The following LRRC4C variants were observed in gnomAD, a reference collection of about 807,000 sequenced individuals.
The protein encoded by LRRC4C is leucine-rich repeat-containing protein 4C.
A neutral mutation model predicts 33.6 loss-of-function variants in LRRC4C; 5 were observed. The observed-to-expected ratio is 0.15, with a 90% CI of 0.08 to 0.31. The LOEUF is 0.31. LRRC4C is among the 10% of genes least tolerant of loss of function. The pLI is 1.00. For synonymous variants in LRRC4C, 329 were observed against 302.0 expected (o/e 1.09, Z -0.93); for missense variants, 560 against 796.7 (o/e 0.70, Z 3.58).
intron 3 of LRRC4C, among the ~76,000 whole-genome samples, chr11:40,439,087 C>T (rs964461148): frequency 6.9e-6 from 1 of 145,554 alleles, no homozygotes; most frequent in Non-Finnish European, 1.5e-5. Flanking sequence ...CCTGCCACCA[C>T]CCCCAGCTAA....
chr11:40,152,209 C>A (rs547269003), intron 5 of LRRC4C, among the ~76,000 whole-genome samples: 2 of 152,252 alleles, frequency 1.3e-5, no homozygotes, highest in East Asian at 3.9e-4. Flanking sequence ...GGTCTGTTTG[C>A]GGGAGAAGTT....
At chr11:40,971,473 C>T (rs533428583) in intron 1 of LRRC4C, among the ~76,000 whole-genome samples, 2 of 152,290 alleles carry the variant, frequency 1.3e-5, no homozygotes, top group African/African-American at 2.4e-5. Context: ...ACTTGGGAGC[C>T]CCCATCTAGA....
intron 3 of LRRC4C, among the ~76,000 whole-genome samples, chr11:40,320,313 G>T (rs1031998821): frequency 6.6e-6 from 1 of 152,116 alleles, no homozygotes; most frequent in Admixed American, 6.6e-5. Context: ...AGACCATCCT[G>T]TCTAACACGG....
chr11:41,295,281 G>C (rs1388254381), intron 1 of LRRC4C, among the ~76,000 whole-genome samples: 1 of 152,210 alleles, frequency 6.6e-6, no homozygotes, highest in East Asian at 1.9e-4. Flanking sequence ...AAAAATAAAT[G>C]GACCATCCCT....
At chr11:40,865,251 A>G (rs891869892) in intron 2 of LRRC4C, among the ~76,000 whole-genome samples, 1 of 152,170 alleles carries the variant, frequency 6.6e-6, no homozygotes, top group Non-Finnish European at 1.5e-5. Context: ...AGAATAGAGT[A>G]TAACGGTTAT....
intron 2 of LRRC4C, among the ~76,000 whole-genome samples, chr11:40,673,471 A>C (rs1345395991): frequency 5.9e-5 from 9 of 152,174 alleles, no homozygotes; most frequent in Admixed American, 5.9e-4. Context: ...TATAAACCCC[A>C]GAGAAAAGTA....
At chr11:40,714,164 G>C (rs983724110) in intron 2 of LRRC4C, among the ~76,000 whole-genome samples, 1 of 152,166 alleles carries the variant, frequency 6.6e-6, no homozygotes, top group East Asian at 1.9e-4. Flanking sequence ...TGAAGCTACA[G>C]TCAAGCATCA....
intron 2 of LRRC4C, among the ~76,000 whole-genome samples, chr11:40,737,507 C>A (rs1359833267): frequency 6.6e-6 from 1 of 152,032 alleles, no homozygotes; most frequent in Non-Finnish European, 1.5e-5. Context: ...AGCTGATAAG[C>A]AACTTCAGCA....
At chr11:40,220,407 G>A (rs1864317772) in intron 5 of LRRC4C, among the ~76,000 whole-genome samples, 1 of 152,016 alleles carries the variant, frequency 6.6e-6, no homozygotes, top group South Asian at 2.1e-4. Flanking sequence ...CAATCTATTT[G>A]GTTTTATAAG....
intron 1 of LRRC4C, among the ~76,000 whole-genome samples, chr11:41,276,688 A>G (rs1392142053): frequency 6.6e-6 from 1 of 152,192 alleles, no homozygotes; most frequent in Non-Finnish European, 1.5e-5. Context: ...GATTTTGCAG[A>G]TATGATTAAA....
At chr11:41,043,174 C>T (rs1235014570) in intron 1 of LRRC4C, among the ~76,000 whole-genome samples, 4 of 142,062 alleles carry the variant, frequency 2.8e-5, no homozygotes, top group Non-Finnish European at 6.0e-5. Flanking sequence ...GCAGTGCCTA[C>T]AATGGACATG....
chr11:40,288,355 T>C (rs1248571726), intron 4 of LRRC4C, among the ~76,000 whole-genome samples: 1 of 152,238 alleles, frequency 6.6e-6, no homozygotes, highest in Non-Finnish European at 1.5e-5. Context: ...CAAATGCTTT[T>C]GCAATATTCA....
At chr11:40,162,880 T>A (rs542125332) in intron 5 of LRRC4C, among the ~76,000 whole-genome samples, 1 of 152,314 alleles carries the variant, frequency 6.6e-6, no homozygotes, top group Non-Finnish European at 1.5e-5. Context: ...TAGTGATCAT[T>A]TTCATGAGAT....
At chr11:41,094,080 G>A (rs1006029324) in intron 1 of LRRC4C, among the ~76,000 whole-genome samples, 2 of 151,368 alleles carry the variant, frequency 1.3e-5, no homozygotes, top group African/African-American at 4.9e-5. Flanking sequence ...TCACACCACT[G>A]CACTCCAGCC....
chr11:40,490,297 C>A (rs1218527985), intron 3 of LRRC4C, among the ~76,000 whole-genome samples: 1 of 152,108 alleles, frequency 6.6e-6, no homozygotes, highest in East Asian at 1.9e-4. Flanking sequence ...ATAAAGCACT[C>A]ATCTGCCTTT....
At chr11:41,220,011 A>T (rs1279622884) in intron 1 of LRRC4C, among the ~76,000 whole-genome samples, 1 of 152,190 alleles carries the variant, frequency 6.6e-6, no homozygotes, top group Non-Finnish European at 1.5e-5. Context: ...GGAATTTTTT[A>T]AAATTAAAAG....
chr11:41,199,692 T>C (rs913225489), intron 1 of LRRC4C, among the ~76,000 whole-genome samples: 1 of 152,052 alleles, frequency 6.6e-6, no homozygotes, highest in East Asian at 1.9e-4. Context: ...ACCTCCTCCA[T>C]TGCTTATGAA....
intron 3 of LRRC4C, among the ~76,000 whole-genome samples, chr11:40,570,047 A>G (rs1565514504): frequency 6.6e-6 from 1 of 151,930 alleles, no homozygotes; most frequent in Non-Finnish European, 1.5e-5. Context: ...CATATAAAAT[A>G]TGCACATATT....
At chr11:41,268,350 C>T (rs528274343) in intron 1 of LRRC4C, among the ~76,000 whole-genome samples, 1 of 152,094 alleles carries the variant, frequency 6.6e-6, no homozygotes, top group East Asian at 1.9e-4. Flanking sequence ...CAGAGGACCC[C>T]GTTAAGCTGT....
Sources: allele counts gnomAD v4.1 joint callset (sites outside exome capture counted in the v4.1 genomes callset), GRCh38; gene constraint gnomAD v4.1.1; transcripts MANE v1.5; gene names NCBI Gene and HGNC (gene_info 2026-07-23, HGNC 2026-07-21).